The following ENTREP2 variants were observed in gnomAD, a reference collection of about 807,000 sequenced individuals.
ENTREP2 encodes endosomal transmembrane epsin interactor 2, also known as protein ENTREP2.
chr15:29,658,190 TAGTG>T, the ENTREP2 span, among the ~76,000 whole-genome samples: 3 of 152,172 alleles, frequency 2.0e-5, no homozygotes, highest in Non-Finnish European at 4.4e-5. Flanking sequence ...GTTCTTGTGA[TAGTG>T]AGTGAGTTCT....
chr15:29,466,221 A>G, the ENTREP2 span, among the ~76,000 whole-genome samples: 3 of 152,200 alleles, frequency 2.0e-5, no homozygotes, highest in South Asian at 6.2e-4. Flanking sequence ...AGAAGAAAGG[A>G]GGGGAGAGCA....
chr15:29,545,097 G>C, the ENTREP2 span, among the ~76,000 whole-genome samples: 1 of 152,170 alleles, frequency 6.6e-6, no homozygotes. Context: ...AAATCTTTTG[G>C]GCAGATCATA....
chr15:29,414,324 TAG>T, the ENTREP2 span, among the ~76,000 whole-genome samples: 1 of 152,040 alleles, frequency 6.6e-6, no homozygotes, highest in African/African-American at 2.4e-5. Context: ...GCAATCAAAC[TAG>T]AACTCAGGAT....
chr15:29,249,157 A>T, the ENTREP2 span, among the ~76,000 whole-genome samples: 2 of 152,340 alleles, frequency 1.3e-5, 1 homozygote. Context: ...ACAGTATAAA[A>T]GTTAGCTGGG....
At chr15:29,429,037 C>T in the ENTREP2 span, among the ~76,000 whole-genome samples, 1 of 152,234 alleles carries the variant, frequency 6.6e-6, no homozygotes, top group Non-Finnish European at 1.5e-5. Context: ...AGGTCTCCTG[C>T]ATCCTATGCC....
At chr15:29,282,769 T>C in the ENTREP2 span, among the ~76,000 whole-genome samples, 6 of 152,204 alleles carry the variant, frequency 3.9e-5, no homozygotes, top group African/African-American at 9.7e-5. Context: ...GCTTCAGGCA[T>C]ACCGGTCTGT....
At chr15:29,247,353 T>C in the ENTREP2 span, among the ~76,000 whole-genome samples, 1 of 152,182 alleles carries the variant, frequency 6.6e-6, no homozygotes. Context: ...TCTTTCCAAG[T>C]CTTGGCAAAA....
At chr15:29,397,711 T>C in the ENTREP2 span, among the ~76,000 whole-genome samples, 3 of 152,226 alleles carry the variant, frequency 2.0e-5, no homozygotes, top group African/African-American at 7.2e-5. Flanking sequence ...CACCAAGAAA[T>C]TGGAAATATG....
At chr15:29,202,278 T>C in the ENTREP2 span, among the ~76,000 whole-genome samples, 6 of 152,164 alleles carry the variant, frequency 3.9e-5, no homozygotes, top group African/African-American at 1.4e-4. Flanking sequence ...TGCTCTTTCA[T>C]TTATGATTTC....
At chr15:29,559,247 G>C in the ENTREP2 span, among the ~76,000 whole-genome samples, 1 of 152,018 alleles carries the variant, frequency 6.6e-6, no homozygotes, top group Non-Finnish European at 1.5e-5. Context: ...CCACCCACCA[G>C]CACTCACCAG....
chr15:29,655,571 G>C, the ENTREP2 span, among the ~76,000 whole-genome samples: 1 of 152,162 alleles, frequency 6.6e-6, no homozygotes, highest in Admixed American at 6.5e-5. Context: ...GATATCACTG[G>C]ATGTTGGAAC....
At chr15:29,367,532 A>G in the ENTREP2 span, among the ~76,000 whole-genome samples, 7 of 152,184 alleles carry the variant, frequency 4.6e-5, no homozygotes, top group Non-Finnish European at 1.0e-4. Context: ...CTTAAAAAAA[A>G]TCCTGGGGAA....
At chr15:29,175,124 C>A in the ENTREP2 span, among the ~76,000 whole-genome samples, 1 of 152,136 alleles carries the variant, frequency 6.6e-6, no homozygotes, top group Non-Finnish European at 1.5e-5. Context: ...TGTATCACTG[C>A]ATATGGCGGT....
At chr15:29,164,736 C>T in the ENTREP2 span, among the ~76,000 whole-genome samples, 1 of 152,104 alleles carries the variant, frequency 6.6e-6, no homozygotes, top group African/African-American at 2.4e-5. Flanking sequence ...TAGTGGGGGA[C>T]TTCAATACTC....
the ENTREP2 span, among the ~76,000 whole-genome samples, chr15:29,660,827 C>T: frequency 0.023 from 3,547 of 152,134 alleles, 104 homozygotes; most frequent in East Asian, 0.12. Context: ...TTCAACCCAA[C>T]GAGGATTGAA....
At chr15:29,331,256 G>T in the ENTREP2 span, among the ~76,000 whole-genome samples, 1 of 152,178 alleles carries the variant, frequency 6.6e-6, no homozygotes, top group African/African-American at 2.4e-5. Flanking sequence ...AATAGCTGAC[G>T]TCTGTGCCGC....
chr15:29,469,637 G>GTTA, the ENTREP2 span, among the ~76,000 whole-genome samples: 3 of 152,194 alleles, frequency 2.0e-5, no homozygotes, highest in African/African-American at 7.2e-5. Context: ...AGGTGAAAAC[G>GTTA]TTATAGAGAT....
At chr15:29,225,776 C>T in the ENTREP2 span, among the ~76,000 whole-genome samples, 2 of 152,334 alleles carry the variant, frequency 1.3e-5, no homozygotes, top group Middle Eastern at 3.4e-3. Flanking sequence ...CGCCTCACCC[C>T]CACCTTCCTG....
At chr15:29,395,608 C>A in the ENTREP2 span, among the ~76,000 whole-genome samples, 2 of 150,890 alleles carry the variant, frequency 1.3e-5, no homozygotes, top group Non-Finnish European at 2.9e-5. Flanking sequence ...GCTCACTGCA[C>A]TTTCAACCTC....
Sources: gnomAD v4.1 joint callset for allele counts (sites outside exome capture counted in the v4.1 genomes callset) on GRCh38, gnomAD v4.1.1 for gene constraint, MANE v1.5 for transcripts, NCBI Gene and HGNC (gene_info 2026-07-23, HGNC 2026-07-21) for gene names.